Variants in STRBP observed in about 807,000 individuals in gnomAD.
STRBP encodes spermatid perinuclear RNA binding protein, also known as spermatid perinuclear RNA-binding protein.
Under a neutral mutation model 80.1 loss-of-function variants are expected in STRBP, and 13 were observed. The observed-to-expected ratio is 0.16, with a 90% CI of 0.11 to 0.26. The LOEUF is 0.26. STRBP is among the 10% of genes least tolerant of loss of function. The pLI, the probability that STRBP is intolerant of heterozygous loss-of-function variation, is 1.00. For synonymous variants in STRBP, 284 were observed against 291.2 expected (o/e 0.98, Z 0.25); for missense variants, 485 against 815.2 (o/e 0.59, Z 4.93).
intron 11 of STRBP, among the ~76,000 whole-genome samples, chr9:123,152,974 T>C (rs1016415795): frequency 6.6e-6 from 1 of 152,170 alleles, no homozygotes; most frequent in African/African-American, 2.4e-5. Context: ...TCTCTCCTTA[T>C]CATCTTTGCA....
chr9:123,188,973 T>G (rs1344611825), intron 2 of STRBP, among the ~76,000 whole-genome samples: 1 of 151,982 alleles, frequency 6.6e-6, no homozygotes, highest in Non-Finnish European at 1.5e-5. Context: ...AAGAAAAAAT[T>G]AGAAAAAGAC....
intron 2 of STRBP, among the ~76,000 whole-genome samples, chr9:123,192,996 G>A (rs559186722): frequency 1.3e-5 from 2 of 152,190 alleles, no homozygotes; most frequent in South Asian, 4.2e-4. Context: ...ATGTGCTACC[G>A]CTAAGCTTGA....
exon 4 of STRBP, chr9:123,109,608 A>G (rs140782671): frequency 1.3e-5 from 2 of 152,402 alleles, no homozygotes; most frequent in African/African-American, 2.4e-5. Context: ...TCTATGGCAG[A>G]GTCCAACATA....
At chr9:123,153,944 T>C (rs772463772) in intron 11 of STRBP, among the ~76,000 whole-genome samples, 1 of 152,078 alleles carries the variant, frequency 6.6e-6, no homozygotes, top group African/African-American at 2.4e-5. Context: ...GCTGAGGAGA[T>C]GGCAACAGAG....
intron 4 of STRBP, among the ~76,000 whole-genome samples, chr9:123,175,935 A>G (rs1334132269): frequency 2.6e-5 from 4 of 152,214 alleles, no homozygotes; most frequent in Admixed American, 6.5e-5. Context: ...TTGGAAAGCA[A>G]TTTAGAAAAT....
rs912194690 is a variant in STRBP at position 123,115,945 on chromosome 9, C to T, written c.*68G>A. The T allele has an allele frequency of 4.4e-6, 2 of 451,280 alleles. No individual in the cohort carries two copies. Among genetic ancestry groups the T allele is most frequent in the Non-Finnish European group, 4.5e-6 (1 of 224,698 alleles). The allele number at this position is 451,280 out of a possible 1,614,324, so 28.0% of individuals were successfully genotyped here. On this transcript the variant is annotated 3_prime_UTR_variant and NMD_transcript_variant, in exon 3 of 4. Coordinates refer to the STRBP transcript ENST00000471564. The surrounding 1 kb of genome is among the most constrained non-coding windows in gnomAD (Gnocchi z 5.0). ...TAAAAATACCTGGCAGGAGTGCCCACGTTCTCTCCAGGTCTCCTCTTCACC... is the reference window on the plus strand; with the variant it reads ...TAAAAATACCTGGCAGGAGTGCCCATGTTCTCTCCAGGTCTCCTCTTCACC...
chr9:123,133,519 T>C (rs2036227600), intron 16 of STRBP, among the ~76,000 whole-genome samples: 1 of 151,860 alleles, frequency 6.6e-6, no homozygotes. Context: ...TGTATGTATG[T>C]ATCCACTACT....
rs940140782 is a variant in STRBP, at chr9:123,122,533, T to C, written c.*3064A>G. 3 of 1,168,760 alleles carry C rather than the reference T, an allele frequency of 2.6e-6. No individual in the cohort carries two copies. The highest frequency in any genetic ancestry group is 3.2e-6 in the Non-Finnish European group (3 of 935,992). The allele number at this position is 1,168,760 out of a possible 1,614,324, so 72.4% of individuals were successfully genotyped here. ...CAATTTGAGAGAGACTACAAACGAC[T>C]TCAGAACTATATAAACTCAACTCCT... On this transcript the variant is annotated 3_prime_UTR_variant, in exon 19 of 19. Coordinates refer to ENST00000348403, the MANE Select transcript of STRBP (RefSeq NM_018387.5).
At chr9:123,193,502 TGCTGTACTTA>T (rs905664598) in intron 2 of STRBP, among the ~76,000 whole-genome samples, 1 of 152,222 alleles carries the variant, frequency 6.6e-6, no homozygotes, top group African/African-American at 2.4e-5. Flanking sequence ...AGGACTTTAG[TGCTGTACTTA>T]GCTCAGTGAC....
intron 1 of STRBP, among the ~76,000 whole-genome samples, chr9:123,266,221 C>G (rs993465466): frequency 2.0e-5 from 3 of 152,116 alleles, no homozygotes; most frequent in African/African-American, 7.2e-5. Context: ...ACTCGTCAAA[C>G]CAATATGCTA....
In STRBP at chr9:123,221,203, C is replaced by T. The variant is rs1588123103; in HGVS notation, c.-165+15627G>A. On this transcript the variant is annotated intron_variant, in intron 2 of 18. Transcript: ENST00000348403. Reference sequence around the variant, plus strand: ...CACAACATGCTCCTACTAAGGGGTGCCCCTTTCCTACCATGACTCCGGAGA... The same window carrying T: ...CACAACATGCTCCTACTAAGGGGTGTCCCTTTCCTACCATGACTCCGGAGA... 2.0e-5 allele frequency among the ~76,000 whole-genome samples: 3 copies of T among 152,072 alleles called. No homozygotes were observed. In the South Asian group the frequency reaches 6.2e-4, roughly 32 times the overall value.
chr9:123,153,485 G>A (rs989900526), intron 11 of STRBP, among the ~76,000 whole-genome samples: 13 of 152,052 alleles, frequency 8.5e-5, no homozygotes, highest in South Asian at 2.1e-4. Context: ...GCTACCACCC[G>A]GCCTGGACAC....
Position 123,123,151 on chromosome 9 carries a change from A to C in STRBP, c.*2446T>G, listed in dbSNP as rs1032272030. On this transcript the variant is annotated 3_prime_UTR_variant, in exon 19 of 19. Transcript: ENST00000348403. ...TCAGAGAAGAAATCTTGAGGGCCCA[A>C]GTGAATAATAAATGGTGCGACGCTC... 2.0e-6 allele frequency: 2 copies of C among 985,332 alleles called. No homozygotes were observed. The highest frequency in any genetic ancestry group is 1.7e-5 in the African/African-American group (1 of 57,234). The allele number at this position is 985,332 out of a possible 1,614,324, so 61.0% of individuals were successfully genotyped here. A position where few individuals can be genotyped will look rare whatever the true frequency, so the allele number is the denominator to read the frequency against.
intron 5 of STRBP, among the ~76,000 whole-genome samples, chr9:123,173,187 G>A (rs1238697539): frequency 6.6e-6 from 1 of 152,148 alleles, no homozygotes; most frequent in Non-Finnish European, 1.5e-5. Context: ...TGTAAAAAAG[G>A]TTTGGAGACA....
At chr9:123,148,709 A>T (rs564156568) in intron 11 of STRBP, among the ~76,000 whole-genome samples, 20 of 152,220 alleles carry the variant, frequency 1.3e-4, no homozygotes, top group African/African-American at 4.6e-4. Flanking sequence ...TTTACAGTTC[A>T]CCTCCTCTAT....
chr9:123,251,208 CTTTCT>C (rs1234452163), intron 1 of STRBP, among the ~76,000 whole-genome samples: 3 of 150,444 alleles, frequency 2.0e-5, no homozygotes, highest in African/African-American at 7.3e-5. Flanking sequence ...TCTTTTCTTT[CTTTCT>C]TTTCTCTCTC....
At chr9:123,183,232 T>G (rs2038561312) in intron 3 of STRBP, among the ~76,000 whole-genome samples, 1 of 151,794 alleles carries the variant, frequency 6.6e-6, no homozygotes, top group Non-Finnish European at 1.5e-5. Flanking sequence ...GAGGTCAGTT[T>G]GAGACCAACC....
At chr9:123,129,432 T>G (rs1010106199) in intron 17 of STRBP, among the ~76,000 whole-genome samples, 12 of 152,106 alleles carry the variant, frequency 7.9e-5, no homozygotes, top group Admixed American at 5.2e-4. Context: ...GGGCACAAAA[T>G]CACCATGGCA....
chr9:123,249,842 A>G (rs2040875517), intron 1 of STRBP, among the ~76,000 whole-genome samples: 1 of 152,188 alleles, frequency 6.6e-6, no homozygotes, highest in East Asian at 1.9e-4. Flanking sequence ...TGAAGGCACT[A>G]TGTTTCTTTT....
Sources: allele counts gnomAD v4.1 joint callset (sites outside exome capture counted in the v4.1 genomes callset), GRCh38; gene constraint gnomAD v4.1.1; non-coding constraint Gnocchi (gnomAD v3.1); transcripts MANE v1.5; gene names NCBI Gene and HGNC (gene_info 2026-07-23, HGNC 2026-07-21).